DTWD2: variants seen among roughly 807,000 people sequenced by gnomAD.
DTWD2 encodes the protein DTW motif tRNA-uridine aminocarboxypropyltransferase 2, also known as tRNA-uridine aminocarboxypropyltransferase 2.
In DTWD2, 39 loss-of-function variants were observed where a neutral mutation model predicts 31.8. That is an observed-to-expected ratio of 1.22 (90% confidence interval 0.95 to 1.60). The LOEUF (loss-of-function observed/expected upper bound fraction) is 1.60, where lower values mean the gene tolerates loss of function less well. Ranked by LOEUF, DTWD2 falls within the 40% of genes most tolerant of loss-of-function variation. The pLI is 0.00. For synonymous variants in DTWD2, 180 were observed against 142.8 expected, an observed-to-expected ratio of 1.26 and a Z score of -1.86; for missense variants, 515 against 381.5, an observed-to-expected ratio of 1.35 and a Z score of -2.92.
intron 4 of DTWD2, among the ~76,000 whole-genome samples, chr5:118,918,371 G>C (rs1039092839): frequency 2.0e-5 from 3 of 150,938 alleles, no homozygotes; most frequent in Non-Finnish European, 2.9e-5. Context: ...CTGTTGCCCA[G>C]GCTAGAGTGC....
intron 5 of DTWD2, among the ~76,000 whole-genome samples, chr5:118,845,482 A>T (rs1580761724): frequency 6.6e-6 from 1 of 152,228 alleles, no homozygotes; most frequent in African/African-American, 2.4e-5. Context: ...TTGTGGCTGG[A>T]AGCAATTTTT....
chr5:118,891,769 T>A (rs1269539931), intron 4 of DTWD2, among the ~76,000 whole-genome samples: 1 of 152,204 alleles, frequency 6.6e-6, no homozygotes, highest in Non-Finnish European at 1.5e-5. Flanking sequence ...ATGAAATGTA[T>A]TACAAACCTT....
At chr5:118,848,641 G>T (rs1158311319) in intron 4 of DTWD2, among the ~76,000 whole-genome samples, 1 of 152,184 alleles carries the variant, frequency 6.6e-6, no homozygotes, top group Non-Finnish European at 1.5e-5. Flanking sequence ...CAAGGCTACA[G>T]TAACCAAAAT....
intron 1 of DTWD2, among the ~76,000 whole-genome samples, chr5:118,976,033 A>G (rs550227330): frequency 2.6e-4 from 39 of 152,338 alleles, no homozygotes; most frequent in Admixed American, 2.2e-3. Flanking sequence ...AGAATTAAGA[A>G]ACTCACTCAA....
At chr5:118,862,231 A>C (rs1752278264) in intron 4 of DTWD2, among the ~76,000 whole-genome samples, 1 of 152,220 alleles carries the variant, frequency 6.6e-6, no homozygotes, top group Non-Finnish European at 1.5e-5. Flanking sequence ...CCATCGCTCC[A>C]TTCGTGGAAA....
At position 118,961,590 on chromosome 5, in the gene DTWD2, T is replaced by A. The variant is rs181885457; in HGVS notation, c.219-16941A>T. ...TTCAAACTGAGCCTGCCGGTCCTCA[T>A]GTAGCAGAATCCTCTGCTCCTTATT... On this transcript the variant is annotated intron_variant, in intron 1 of 5. Transcript: ENST00000510708. 7.9e-4 allele frequency among the ~76,000 whole-genome samples: 121 copies of A among 152,334 alleles called. 1 individual carries two copies. The highest frequency in any genetic ancestry group is 1.5e-3 in the Non-Finnish European group (101 of 68,028).
intron 3 of DTWD2, among the ~76,000 whole-genome samples, chr5:118,931,583 A>T (rs1241079653): frequency 6.6e-6 from 1 of 152,194 alleles, no homozygotes; most frequent in Non-Finnish European, 1.5e-5. Context: ...TGTTCACAAC[A>T]TGTAAGGCAA....
chr5:118,883,347 C>T (rs1752785575), intron 4 of DTWD2, among the ~76,000 whole-genome samples: 1 of 152,174 alleles, frequency 6.6e-6, no homozygotes, highest in Admixed American at 6.5e-5. Flanking sequence ...CAAATTTTTC[C>T]ACATCTTCCT....
chr5:118,862,082 C>G (rs1034231662), intron 4 of DTWD2, among the ~76,000 whole-genome samples: 1 of 152,184 alleles, frequency 6.6e-6, no homozygotes, highest in African/African-American at 2.4e-5. Context: ...TCAGATCCAC[C>G]ACAGCACTAG....
chr5:118,872,608 A>G lies in DTWD2; in HGVS notation c.598-24390T>C, dbSNP rs150226270. ...ATTGATTAAGTTTGCCTTCTTCTAT[A>G]GGTGAGGTTTGTGGCACCCCAAAAC... On this transcript the variant is annotated intron_variant, in intron 4 of 5. Coordinates refer to ENST00000510708, the MANE Select transcript of DTWD2 (RefSeq NM_173666.4). Among the ~76,000 whole-genome samples, 426 of 152,346 alleles carry G rather than the reference A, an allele frequency of 2.8e-3. 1 individual carries two copies. The highest frequency in any genetic ancestry group is 9.8e-3 in the African/African-American group (408 of 41,570).
At chr5:118,940,340 T>A (rs1049327910) in intron 2 of DTWD2, among the ~76,000 whole-genome samples, 2 of 152,222 alleles carry the variant, frequency 1.3e-5, no homozygotes, top group African/African-American at 4.8e-5. Context: ...ACCATGAGAC[T>A]GTGACACAAA....
Position 118,841,039 on chromosome 5 carries a change from C to T in DTWD2, c.775G>A (p.Gly259Ser), listed in dbSNP as rs779331876. The T allele has an allele frequency of 4.3e-6, 7 of 1,613,400 alleles. No homozygotes were observed. Among genetic ancestry groups the T allele is most frequent in the Non-Finnish European group, 5.1e-6 (6 of 1,179,668 alleles). ...TCCTTGCTGAGGCGAATTTGGGCAC[C>T]ATGCTGAAGTTGAAAGGAGCATAAA... ...QALCSFQLQH[G>S]AQIRLSKEHL... The change falls in exon 6 of 6, where the codon GGT becomes AGT. Residue 259 changes from glycine (G) to serine (S), a missense_variant. Physicochemically the swap from Gly to Ser is moderately conservative, Grantham distance 56 (BLOSUM62 0). Coordinates refer to ENST00000510708, the MANE Select transcript of DTWD2 (RefSeq NM_173666.4).
intron 4 of DTWD2, among the ~76,000 whole-genome samples, chr5:118,866,798 T>TCCCA (rs1409598450): frequency 6.6e-6 from 1 of 151,760 alleles, no homozygotes; most frequent in East Asian, 1.9e-4. Flanking sequence ...GTGCCTGTAA[T>TCCCA]CCCAGCTACT....
intron 4 of DTWD2, among the ~76,000 whole-genome samples, chr5:118,912,130 C>G (rs534815495): frequency 1.3e-5 from 2 of 152,156 alleles, no homozygotes; most frequent in Non-Finnish European, 2.9e-5. Flanking sequence ...CTAGCAGAAG[C>G]CTGACTCAAA....
At chr5:118,901,826 T>C (rs1008562856) in intron 4 of DTWD2, among the ~76,000 whole-genome samples, 1 of 152,192 alleles carries the variant, frequency 6.6e-6, no homozygotes, top group African/African-American at 2.4e-5. Flanking sequence ...CAGGCTGATC[T>C]TGAACTCCCA....
chr5:118,882,910 T>G (rs1561439988), intron 4 of DTWD2, among the ~76,000 whole-genome samples: 1 of 152,242 alleles, frequency 6.6e-6, no homozygotes, highest in Non-Finnish European at 1.5e-5. Context: ...AGCTCCTCAT[T>G]ACTTATGCAA....
chr5:118,949,042 C>G (rs1050186592), intron 1 of DTWD2, among the ~76,000 whole-genome samples: 2 of 152,030 alleles, frequency 1.3e-5, no homozygotes, highest in African/African-American at 4.8e-5. Context: ...AGATAGGTAA[C>G]AGATGAGGAA....
intron 4 of DTWD2, among the ~76,000 whole-genome samples, chr5:118,919,336 G>A (rs1753650476): frequency 6.6e-6 from 1 of 152,214 alleles, no homozygotes; most frequent in Non-Finnish European, 1.5e-5. Flanking sequence ...CCCTTCTGTG[G>A]AGAGAAGAAA....
intron 4 of DTWD2, among the ~76,000 whole-genome samples, chr5:118,911,986 T>A (rs1156504300): frequency 6.6e-6 from 1 of 152,214 alleles, no homozygotes; most frequent in Non-Finnish European, 1.5e-5. Flanking sequence ...AGCTCTGGCA[T>A]CTATGAGAAA....
Sources: allele counts gnomAD v4.1 joint callset (sites outside exome capture counted in the v4.1 genomes callset), GRCh38; gene constraint gnomAD v4.1.1; transcripts MANE v1.5; gene names NCBI Gene and HGNC (gene_info 2026-07-23, HGNC 2026-07-21).